PPP2R2C: variants seen among roughly 807,000 people sequenced by gnomAD.
The protein encoded by PPP2R2C is protein phosphatase 2, regulatory subunit B, gamma.
PPP2R2C carries 10 observed loss-of-function variants against 45.3 expected under a neutral mutation model. That is an observed-to-expected ratio of 0.22 (90% CI 0.14 to 0.37). The LOEUF (loss-of-function observed/expected upper bound fraction) is 0.37, where lower values mean the gene tolerates loss of function less well. PPP2R2C is among the 10% of genes least tolerant of loss of function. The probability of loss-of-function intolerance (pLI) is 1.00; values close to 1 mark genes in which losing one functional copy is unlikely to be tolerated. For synonymous variants in PPP2R2C, 257 were observed against 245.4 expected (o/e 1.05, Z -0.44); for missense variants, 308 against 619.7 (o/e 0.50, Z 5.34).
intron 6 of PPP2R2C, among the ~76,000 whole-genome samples, chr4:6,337,156 A>ATG (rs1733040628): frequency 1.0e-5 from 1 of 95,980 alleles, no homozygotes; most frequent in Non-Finnish European, 2.0e-5. Context: ...ATATATATAT[A>ATG]TATATTTGTA....
chr4:6,455,761 C>G (rs992349979), intron 1 of PPP2R2C, among the ~76,000 whole-genome samples: 1 of 152,182 alleles, frequency 6.6e-6, no homozygotes, highest in African/African-American at 2.4e-5. Flanking sequence ...TGTAAGTGAA[C>G]GCTCCACCAA....
rs1298821376 is a variant in PPP2R2C, at chr4:6,459,519, G to A, written c.70+12641C>T. 2.6e-5 allele frequency among the ~76,000 whole-genome samples: 4 copies of A among 152,316 alleles called. No homozygotes were observed. In the East Asian group the frequency reaches 5.8e-4, roughly 22 times the overall value. Reference sequence around the variant, plus strand: ...CAGAAACAACAAACCAAGGGTCAGTGTTTGCAAGAGAGATGACAATTACAG... The same window carrying A: ...CAGAAACAACAAACCAAGGGTCAGTATTTGCAAGAGAGATGACAATTACAG... On this transcript the variant is annotated intron_variant, in intron 1 of 8. Transcript: ENST00000382599.
At chr4:6,457,674 G>T (rs1462570886) in intron 1 of PPP2R2C, among the ~76,000 whole-genome samples, 1 of 151,974 alleles carries the variant, frequency 6.6e-6, no homozygotes, top group Admixed American at 6.6e-5. Context: ...ATGCCCAACC[G>T]GGAAAGTTTT....
intron 1 of PPP2R2C, among the ~76,000 whole-genome samples, chr4:6,395,498 C>A (rs548392269): frequency 6.6e-6 from 1 of 152,322 alleles, no homozygotes; most frequent in South Asian, 2.1e-4. Flanking sequence ...TGTGGAGAGG[C>A]TCCGTGTCTC....
intron 5 of PPP2R2C, among the ~76,000 whole-genome samples, chr4:6,358,617 G>T (rs905351309): frequency 1.4e-5 from 2 of 147,210 alleles, no homozygotes; most frequent in African/African-American, 5.0e-5. Flanking sequence ...CTAATATCCA[G>T]AATCTACAAA....
At chr4:6,468,669 G>A (rs1395248594) in intron 1 of PPP2R2C, among the ~76,000 whole-genome samples, 1 of 152,142 alleles carries the variant, frequency 6.6e-6, no homozygotes, top group Non-Finnish European at 1.5e-5. Flanking sequence ...CTGTGTCTTG[G>A]TCATCACTGC....
chr4:6,405,942 A>T (rs1717769906), intron 1 of PPP2R2C, among the ~76,000 whole-genome samples: 1 of 152,132 alleles, frequency 6.6e-6, no homozygotes, highest in Non-Finnish European at 1.5e-5. Flanking sequence ...GTTTCCTGGC[A>T]GCAGGGGGGT....
chr4:6,334,012 C>T (rs16838576), intron 6 of PPP2R2C, among the ~76,000 whole-genome samples: 2 of 152,268 alleles, frequency 1.3e-5, no homozygotes, highest in Admixed American at 6.5e-5. Flanking sequence ...GTGGTAGAGT[C>T]GGGATTTGAA....
At chr4:6,424,590 G>C (rs11939028) in intron 1 of PPP2R2C, among the ~76,000 whole-genome samples, 3 of 152,136 alleles carry the variant, frequency 2.0e-5, no homozygotes, top group African/African-American at 7.2e-5. Flanking sequence ...AGGCAGTGTC[G>C]ATACATTGAC....
At chr4:6,384,815 G>A in intron 1 of PPP2R2C, 1 of 985,468 alleles carries the variant, frequency 1.0e-6, no homozygotes, top group South Asian at 4.7e-5. Flanking sequence ...CAGAGGAGAT[G>A]GAGGCTCCCT....
In PPP2R2C at chr4:6,331,748, G is replaced by A. The variant is rs1253761701; in HGVS notation, c.960+1814C>T. ...ACCAACGCCCAAATGATGGTGGACT[G>A]GATCACAGAAGGAACCACTGTGGCG... On this transcript the variant is annotated intron_variant, in intron 7 of 8. Coordinates refer to ENST00000382599, the MANE Select transcript of PPP2R2C (RefSeq NM_020416.4). This position sits in a 1 kb window ranked among gnomAD's most constrained non-coding sequence, Gnocchi z 5.9. 1.3e-5 allele frequency among the ~76,000 whole-genome samples: 2 copies of A among 152,198 alleles called. No individual in the cohort carries two copies. The highest frequency in any genetic ancestry group is 2.9e-5 in the Non-Finnish European group (2 of 68,044).
intron 1 of PPP2R2C, among the ~76,000 whole-genome samples, chr4:6,395,551 T>C (rs1365899904): frequency 6.6e-6 from 1 of 152,108 alleles, no homozygotes; most frequent in African/African-American, 2.4e-5. Flanking sequence ...AGTCCACCCC[T>C]GTGAAGGTGT....
chr4:6,486,522 T>G (rs2108782290), intron 2 of PPP2R2C, among the ~76,000 whole-genome samples: 1 of 152,238 alleles, frequency 6.6e-6, no homozygotes, highest in African/African-American at 2.4e-5. Context: ...TTCTTGCAGT[T>G]CTATCATTTT....
intron 1 of PPP2R2C, chr4:6,384,527 G>T: frequency 3.1e-6 from 3 of 974,818 alleles, no homozygotes; most frequent in Non-Finnish European, 1.2e-6. Context: ...TATATAAAAC[G>T]CTGCACATAC....
intron 2 of PPP2R2C, among the ~76,000 whole-genome samples, chr4:6,517,892 A>G (rs189398929): frequency 1.3e-5 from 2 of 152,288 alleles, no homozygotes. Context: ...TCTACAGATG[A>G]TAAAACTGAG....
At chr4:6,393,729 C>A (rs1306608791) in intron 1 of PPP2R2C, among the ~76,000 whole-genome samples, 1 of 152,224 alleles carries the variant, frequency 6.6e-6, no homozygotes, top group Non-Finnish European at 1.5e-5. Flanking sequence ...GTGGGGCCCG[C>A]CCGATGGAGT....
chr4:6,389,507 G>A (rs1474531239), intron 1 of PPP2R2C, among the ~76,000 whole-genome samples: 1 of 152,194 alleles, frequency 6.6e-6, no homozygotes, highest in Non-Finnish European at 1.5e-5. Context: ...TGCTGCCGAA[G>A]GGAAATGTCA....
Position 6,383,432 on chromosome 4 carries a change from T to G in PPP2R2C, c.71-2338A>C, listed in dbSNP as rs754285413. On this transcript the variant is annotated intron_variant, in intron 1 of 8. Transcript: ENST00000382599. ...CCTTCCCCAGCCTCATCTACTGCTCTCCACCTGCTTATTCCCCTCCAAACA... is the reference window on the plus strand; with the variant it reads ...CCTTCCCCAGCCTCATCTACTGCTCGCCACCTGCTTATTCCCCTCCAAACA... 12 of 1,289,450 alleles carry G rather than the reference T, an allele frequency of 9.3e-6. No individual in the cohort carries two copies. In the Middle Eastern group the frequency reaches 6.4e-4, roughly 69 times the overall value. 79.9% of individuals were successfully genotyped at this position (1,289,450 alleles called of 1,614,324 possible). A position where few individuals can be genotyped will look rare whatever the true frequency, so the allele number is the denominator to read the frequency against.
intron 5 of PPP2R2C, among the ~76,000 whole-genome samples, chr4:6,356,256 G>C (rs561165301): frequency 2.4e-4 from 36 of 152,322 alleles, no homozygotes; most frequent in African/African-American, 8.7e-4. Flanking sequence ...ACCTGTCGCA[G>C]CTAACACGTG....
Sources: gnomAD v4.1 joint callset for allele counts (sites outside exome capture counted in the v4.1 genomes callset) on GRCh38, gnomAD v4.1.1 for gene constraint, Gnocchi (gnomAD v3.1) non-coding constraint, MANE v1.5 for transcripts, NCBI Gene and HGNC (gene_info 2026-07-23, HGNC 2026-07-21) for gene names.